Variants in ZNF385D observed in about 807,000 individuals in gnomAD.
ZNF385D encodes the protein zinc finger protein 385D, also known as zinc finger protein 659.
ZNF385D carries 15 observed loss-of-function variants against 35.8 expected under a neutral mutation model. The ratio of observed to expected loss-of-function variants is 0.42; its 90% CI spans 0.28 to 0.64. The LOEUF (loss-of-function observed/expected upper bound fraction) is 0.64, where lower values mean the gene tolerates loss of function less well. Among genes scored for constraint, ZNF385D ranks in the 30% least tolerant of loss-of-function variants. ZNF385D has a pLI of 0.23. For synonymous variants in ZNF385D, 212 were observed against 186.8 expected (o/e 1.13, Z -1.10); for missense variants, 474 against 494.6 (o/e 0.96, Z 0.39).
At chr3:22,199,883 G>T (rs772289052) in intron 2 of ZNF385D, among the ~76,000 whole-genome samples, 3 of 151,890 alleles carry the variant, frequency 2.0e-5, no homozygotes, top group South Asian at 2.1e-4. Flanking sequence ...TATAAAAAGA[G>T]ACCCAAACAA....
chr3:21,725,600 C>T (rs1328547594), intron 1 of ZNF385D, among the ~76,000 whole-genome samples: 1 of 152,144 alleles, frequency 6.6e-6, no homozygotes, highest in Non-Finnish European at 1.5e-5. Context: ...GGATAAATTC[C>T]TGGGCATATA....
chr3:21,709,623 A>C (rs147582551), intron 1 of ZNF385D, among the ~76,000 whole-genome samples: 24 of 152,338 alleles, frequency 1.6e-4, no homozygotes, highest in African/African-American at 5.8e-4. Flanking sequence ...CTCAAGGTTA[A>C]ATAAACTATA....
chr3:21,564,866 CA>C (rs1485722780), intron 2 of ZNF385D, among the ~76,000 whole-genome samples, 182 bp from the exon 3 acceptor site: 1 of 151,958 alleles, frequency 6.6e-6, no homozygotes, highest in Non-Finnish European at 1.5e-5. Flanking sequence ...ACATTAAGCC[CA>C]AAGCTCAGTA....
chr3:21,901,519 T>G (rs1282896832), intron 3 of ZNF385D, among the ~76,000 whole-genome samples: 1 of 152,212 alleles, frequency 6.6e-6, no homozygotes, highest in Non-Finnish European at 1.5e-5. Context: ...ATGGTTGGTG[T>G]GCATTGCATG....
At chr3:21,966,648 C>G (rs1702930317) in intron 3 of ZNF385D, among the ~76,000 whole-genome samples, 1 of 152,192 alleles carries the variant, frequency 6.6e-6, no homozygotes, top group South Asian at 2.1e-4. Flanking sequence ...GTGGTGCAAT[C>G]TCGGTTCACT....
intron 2 of ZNF385D, among the ~76,000 whole-genome samples, chr3:22,210,158 A>G (rs1576500462): frequency 6.6e-6 from 1 of 151,902 alleles, no homozygotes; most frequent in South Asian, 2.1e-4. Context: ...TCATTGTATG[A>G]TAACTGCACT....
chr3:21,908,157 T>TCTAACTATCTAC (rs1553696866), intron 3 of ZNF385D, among the ~76,000 whole-genome samples: 1 of 150,166 alleles, frequency 6.7e-6, no homozygotes, highest in Non-Finnish European at 1.5e-5. Flanking sequence ...TATCTATCTA[T>TCTAACTATCTAC]CTATCTATCT....
Position 21,857,361 on chromosome 3 carries a change from C to A in ZNF385D, c.326-192333G>T, listed in dbSNP as rs1268457345. The stretch of plus-strand genomic sequence containing the variant: ...GTGTATCCTCAGGCCTAGAACAGTG[C>A]CTAGCACATAGTAAGTTGTATTCCT... On this transcript the variant is annotated intron_variant, in intron 3 of 5. Transcript: ENST00000494108. Among the ~76,000 whole-genome samples, 4 of 152,176 alleles carry A rather than the reference C, an allele frequency of 2.6e-5. No individual in the cohort carries two copies. The South Asian group carries it at 8.3e-4, about 32-fold the overall frequency.
chr3:22,125,995 A>G (rs1703402629), intron 3 of ZNF385D, among the ~76,000 whole-genome samples: 1 of 152,064 alleles, frequency 6.6e-6, no homozygotes, highest in South Asian at 2.1e-4. Context: ...TGTTCCAGAC[A>G]TTAGAGAAAA....
intron 5 of ZNF385D, among the ~76,000 whole-genome samples, chr3:21,430,863 C>T (rs1051422898): frequency 6.6e-6 from 1 of 152,148 alleles, no homozygotes; most frequent in Non-Finnish European, 1.5e-5. Flanking sequence ...AAATTAATCA[C>T]ACTTCCATAG....
At chr3:21,854,191 TC>T (rs1192934874) in intron 3 of ZNF385D, among the ~76,000 whole-genome samples, 1 of 144,034 alleles carries the variant, frequency 6.9e-6, no homozygotes, top group Non-Finnish European at 1.6e-5. Context: ...TCTATTCTCA[TC>T]TTGGGCCGCT....
chr3:21,684,680 G>T (rs555804631), intron 1 of ZNF385D, among the ~76,000 whole-genome samples: 1 of 152,096 alleles, frequency 6.6e-6, no homozygotes, highest in East Asian at 1.9e-4. Context: ...TCTTATAAAG[G>T]TCATGTTTAT....
At chr3:21,896,946 G>A (rs1353807279) in intron 3 of ZNF385D, among the ~76,000 whole-genome samples, 1 of 152,016 alleles carries the variant, frequency 6.6e-6, no homozygotes, top group South Asian at 2.1e-4. Context: ...AAAAAACTGG[G>A]ATCATTTTTC....
intron 3 of ZNF385D, among the ~76,000 whole-genome samples, chr3:21,952,899 G>A (rs1480533904): frequency 1.3e-5 from 2 of 151,908 alleles, no homozygotes; most frequent in Non-Finnish European, 2.9e-5. Flanking sequence ...CTAGTTACAC[G>A]AAAAATGTTC....
At chr3:21,798,942 G>A (rs1344454035) in intron 3 of ZNF385D, among the ~76,000 whole-genome samples, 2 of 152,136 alleles carry the variant, frequency 1.3e-5, no homozygotes, top group Non-Finnish European at 2.9e-5. Context: ...CCCATGCCCA[G>A]TAAGCAGACA....
At chr3:21,423,351 G>T in intron 7 of ZNF385D, among the ~76,000 whole-genome samples, 1 of 152,104 alleles carries the variant, frequency 6.6e-6, no homozygotes, top group African/African-American at 2.4e-5. Flanking sequence ...TTATGTTATA[G>T]AACAGTTGTT....
At chr3:22,047,428 C>G (rs545907714) in intron 3 of ZNF385D, among the ~76,000 whole-genome samples, 1 of 152,056 alleles carries the variant, frequency 6.6e-6, no homozygotes, top group South Asian at 2.1e-4. Context: ...CCTCTAGTAA[C>G]CACTATTGTA....
At chr3:21,763,854 A>G (rs1352088024) in intron 3 of ZNF385D, among the ~76,000 whole-genome samples, 1 of 152,196 alleles carries the variant, frequency 6.6e-6, no homozygotes, top group Non-Finnish European at 1.5e-5. Context: ...GGAAGACATT[A>G]AAATGTTTTC....
At chr3:21,885,781 A>AGTGT (rs1698515765) in intron 3 of ZNF385D, among the ~76,000 whole-genome samples, 5 of 116,418 alleles carry the variant, frequency 4.3e-5, no homozygotes, top group Non-Finnish European at 2.0e-5. Flanking sequence ...TGTGTGTAGA[A>AGTGT]AGAAAGAGAG....
Sources: allele counts gnomAD v4.1 joint callset (sites outside exome capture counted in the v4.1 genomes callset), GRCh38; gene constraint gnomAD v4.1.1; transcripts MANE v1.5; gene names NCBI Gene and HGNC (gene_info 2026-07-23, HGNC 2026-07-21).